MAN2A1: variants seen among roughly 807,000 people sequenced by gnomAD.
MAN2A1 encodes the protein mannosidase alpha class 2A member 1, also known as alpha-mannosidase 2.
MAN2A1 carries 76 observed loss-of-function variants against 142.6 expected under a neutral mutation model. That is an observed-to-expected ratio of 0.53 (90% CI 0.44 to 0.65). MAN2A1 has a LOEUF of 0.65. Ranked by LOEUF, MAN2A1 falls within the 30% of genes least tolerant of loss-of-function variation. The pLI, the probability that MAN2A1 is intolerant of heterozygous loss-of-function variation, is 0.00. For synonymous variants in MAN2A1, 559 were observed against 473.2 expected, an observed-to-expected ratio of 1.18 and a Z score of -2.35; for missense variants, 1,311 against 1,365.1, an observed-to-expected ratio of 0.96 and a Z score of 0.62.
chr5:109,715,445 G>C (rs532882327), intron 2 of MAN2A1, among the ~76,000 whole-genome samples: 1 of 151,778 alleles, frequency 6.6e-6, no homozygotes, highest in Non-Finnish European at 1.5e-5. Flanking sequence ...TTTTCCCACC[G>C]TTTTTTCCTT....
chr5:109,702,315 T>TTTGTGTG (rs1273188590), intron 1 of MAN2A1, among the ~76,000 whole-genome samples: 2 of 144,034 alleles, frequency 1.4e-5, no homozygotes, highest in African/African-American at 2.6e-5. Flanking sequence ...AGAACATAAA[T>TTTGTGTG]TGTGTGTGTG....
rs72812762 is a variant in MAN2A1, at chr5:109,725,923, T to C, written c.536-3419T>C. On this transcript the variant is annotated intron_variant, in intron 3 of 21. Coordinates refer to ENST00000261483, the MANE Select transcript of MAN2A1 (RefSeq NM_002372.4). The stretch of plus-strand genomic sequence containing the variant: ...TTTTATTTTAGAACTTAAAAAAAAA[T>C]AGTGGTATCGAATTTGGGTTTATGC... 5.9e-5 allele frequency among the ~76,000 whole-genome samples: 9 copies of C among 152,112 alleles called. 1 individual carries two copies. Among genetic ancestry groups the C allele is most frequent in the South Asian group, 4.1e-4 (2 of 4,824 alleles).
chr5:109,729,043 A>T (rs1165370549), intron 3 of MAN2A1, among the ~76,000 whole-genome samples: 1 of 152,026 alleles, frequency 6.6e-6, no homozygotes, highest in Non-Finnish European at 1.5e-5. Context: ...TGAATTAGAT[A>T]CTATAATTAT....
intron 1 of MAN2A1, among the ~76,000 whole-genome samples, chr5:109,700,097 T>G (rs12654396): frequency 0.18 from 27,442 of 152,068 alleles, 3,406 homozygotes; most frequent in East Asian, 0.64. Flanking sequence ...CTTCCTGATA[T>G]GTAGTTTTTG....
chr5:109,695,928 G>A lies in MAN2A1; in HGVS notation c.135+5376G>A, dbSNP rs1230897125. Among the ~76,000 whole-genome samples the A allele has an allele frequency of 2.0e-5, 3 of 152,292 alleles. No homozygotes were observed. In the East Asian group the frequency reaches 5.8e-4, roughly 29 times the overall value. ...TGAGGATTAATTGTACTGAAATGGA[G>A]CTCACATCTAGTGCTTTAGTGAGTA... On this transcript the variant is annotated intron_variant, in intron 1 of 21. Transcript: ENST00000261483.
chr5:109,836,019 A>G (rs560151648), intron 16 of MAN2A1, among the ~76,000 whole-genome samples: 2 of 152,072 alleles, frequency 1.3e-5, no homozygotes, highest in Non-Finnish European at 2.9e-5. Flanking sequence ...TTACACCCTC[A>G]TGGATGTTTC....
At chr5:109,740,178 C>T (rs1197052348) in intron 4 of MAN2A1, among the ~76,000 whole-genome samples, 1 of 152,142 alleles carries the variant, frequency 6.6e-6, no homozygotes, top group Non-Finnish European at 1.5e-5. Context: ...CTTACAACGT[C>T]TCCTTAGTTC....
intron 12 of MAN2A1, chr5:109,804,363 T>C (rs1020174218): frequency 1.3e-6 from 1 of 782,756 alleles, no homozygotes; most frequent in Non-Finnish European, 1.6e-6. Flanking sequence ...AATTTTTATT[T>C]TTTTTAGGCA....
chr5:109,853,906 C>T (rs1247066934), intron 19 of MAN2A1: 1 of 152,072 alleles, frequency 6.6e-6, no homozygotes, highest in East Asian at 1.9e-4. Flanking sequence ...CAGTGTCCCT[C>T]TGCTGTCTTA....
intron 1 of MAN2A1, among the ~76,000 whole-genome samples, chr5:109,706,192 A>T (rs752413977): frequency 6.6e-6 from 1 of 152,194 alleles, no homozygotes. Flanking sequence ...AAACTGCAGC[A>T]CAGAGAAGTT....
At chr5:109,746,900 T>C (rs1752423900) in intron 4 of MAN2A1, among the ~76,000 whole-genome samples, 1 of 152,206 alleles carries the variant, frequency 6.6e-6, no homozygotes, top group Non-Finnish European at 1.5e-5. Context: ...TCATTCAGCA[T>C]AGTATCTTCA....
chr5:109,845,931 G>A lies in MAN2A1; in HGVS notation c.2767G>A (p.Ala923Thr), dbSNP rs1408337394. The A allele has an allele frequency of 6.2e-7, 1 of 1,613,656 alleles. No individual in the cohort carries two copies. The change falls in exon 18 of 22, where the codon GCC (alanine) becomes ACC (threonine). Residue 923 changes from alanine to threonine, a missense_variant. Around this residue, in one of 3 missense-constraint regions of MAN2A1, gnomAD observed 890 missense variants for 920.5 expected, o/e 0.97. Coordinates refer to ENST00000261483, the MANE Select transcript of MAN2A1 (RefSeq NM_002372.4). ...QANVYPMTTM[A>T]YIQDAKHRLT... ...AAATGTCTATCCCATGACCACAATG[G>A]CCTATATCCAGGATGCCAAACATCG...
chr5:109,691,441 C>T (rs1375166673), intron 1 of MAN2A1, among the ~76,000 whole-genome samples: 1 of 152,152 alleles, frequency 6.6e-6, no homozygotes, highest in Non-Finnish European at 1.5e-5. Context: ...TGCTCTGTAA[C>T]GAATGAACCT....
chr5:109,784,853 T>C lies in MAN2A1; in HGVS notation c.1687T>C (p.Leu563=). The C allele has an allele frequency of 1.9e-6, 3 of 1,613,042 alleles. No homozygotes were observed. Among genetic ancestry groups the C allele is most frequent in the Non-Finnish European group, 2.5e-6 (3 of 1,179,462 alleles). The change falls in exon 10 of 22, where the codon TTG becomes CTG. Residue 563 remains leucine (L), a synonymous_variant. Transcript: ENST00000261483. ...GGCACTGACAGAAGCCAGAAGGAAT[T>C]TGGGACTGTTTCAACATCATGATGC... The part of the protein sequence containing the change: ...YTALTEARRN[L]GLFQHHDAIT...
intron 12 of MAN2A1, among the ~76,000 whole-genome samples, chr5:109,801,121 TTTA>T (rs774149408): frequency 6.6e-6 from 1 of 152,144 alleles, no homozygotes; most frequent in Non-Finnish European, 1.5e-5. Context: ...AAGAAAGCCT[TTTA>T]TTATTCTTAT....
At chr5:109,857,512 T>C (rs1170524982) in intron 20 of MAN2A1, among the ~76,000 whole-genome samples, 1 of 152,092 alleles carries the variant, frequency 6.6e-6, no homozygotes, top group African/African-American at 2.4e-5. Flanking sequence ...GCGGTCACCA[T>C]CCCTTAGCCT....
At chr5:109,841,651 A>T (rs2112756509) in intron 16 of MAN2A1, among the ~76,000 whole-genome samples, 1 of 152,322 alleles carries the variant, frequency 6.6e-6, no homozygotes, top group Admixed American at 6.5e-5. Flanking sequence ...TATGTTAGGG[A>T]CTTTTTAAAG....
chr5:109,831,341 G>C (rs1754902166), intron 16 of MAN2A1, among the ~76,000 whole-genome samples: 1 of 152,182 alleles, frequency 6.6e-6, no homozygotes, highest in African/African-American at 2.4e-5. Flanking sequence ...TTAAGGATTG[G>C]GGGAATTGGG....
chr5:109,756,508 T>G (rs1166443765), intron 5 of MAN2A1, among the ~76,000 whole-genome samples: 2 of 152,184 alleles, frequency 1.3e-5, no homozygotes, highest in Non-Finnish European at 2.9e-5. Context: ...TACTTTTTAT[T>G]TTGAGATAAT....
Sources: gnomAD v4.1 joint callset for allele counts (sites outside exome capture counted in the v4.1 genomes callset) on GRCh38, gnomAD v4.1.1 for gene constraint, gnomAD v4.1.1 regional missense constraint, MANE v1.5 for transcripts, NCBI Gene and HGNC (gene_info 2026-07-23, HGNC 2026-07-21) for gene names.